ANTXR1: variants seen among roughly 807,000 people sequenced by gnomAD.
The protein encoded by ANTXR1 is anthrax toxin receptor 1.
Under a neutral mutation model 78.1 loss-of-function variants are expected in ANTXR1, and 19 were observed. The observed-to-expected ratio is 0.24, with a 90% CI of 0.17 to 0.36. The LOEUF (loss-of-function observed/expected upper bound fraction) is 0.36, where lower values mean the gene tolerates loss of function less well. Among genes scored for constraint, ANTXR1 ranks in the 10% least tolerant of loss-of-function variants. ANTXR1 has a pLI of 1.00. For missense variants in ANTXR1, 518 were observed against 718.6 expected, an observed-to-expected ratio of 0.72 and a Z score of 3.19; for synonymous variants, 273 against 260.5, an observed-to-expected ratio of 1.05 and a Z score of -0.46.
chr2:69,066,693 C>T (rs935957804), intron 3 of ANTXR1, among the ~76,000 whole-genome samples: 22 of 152,144 alleles, frequency 1.4e-4, no homozygotes, highest in Non-Finnish European at 2.9e-4. Context: ...ATAGCAGTGG[C>T]CATTAATGAA....
At chr2:69,152,561 G>A (rs1039510909) in intron 13 of ANTXR1, among the ~76,000 whole-genome samples, 4 of 152,142 alleles carry the variant, frequency 2.6e-5, no homozygotes, top group Non-Finnish European at 5.9e-5. Context: ...CACAAATGAT[G>A]AGTGTTATTC....
rs1017962657 is a variant in ANTXR1, at chr2:69,013,871, C to T, written c.152+220C>T. Reference sequence around the variant, plus strand: ...CGCAGCCGAGGCGACGCCGCTTGCTCGGAAGGGGACAGACTTCTTTTCTGT... The same window carrying T: ...CGCAGCCGAGGCGACGCCGCTTGCTTGGAAGGGGACAGACTTCTTTTCTGT... On this transcript the variant is annotated intron_variant, in intron 1 of 17. Coordinates refer to ENST00000303714, the MANE Select transcript of ANTXR1 (RefSeq NM_032208.3). The surrounding 1 kb of genome is among the most constrained non-coding windows in gnomAD (Gnocchi z 5.0). Among the ~76,000 whole-genome samples, 2 of 152,166 alleles carry T rather than the reference C, an allele frequency of 1.3e-5. No homozygotes were observed. The highest frequency in any genetic ancestry group is 2.9e-5 in the Non-Finnish European group (2 of 68,030).
chr2:69,093,341 C>A (rs1335104882), intron 9 of ANTXR1, among the ~76,000 whole-genome samples: 1 of 152,066 alleles, frequency 6.6e-6, no homozygotes, highest in African/African-American at 2.4e-5. Flanking sequence ...AATTAATAGA[C>A]AAAGATAGAG....
rs141110388 is a variant in ANTXR1 at position 69,092,489 on chromosome 2, A to T, written c.703+1570A>T. Among the ~76,000 whole-genome samples the T allele has an allele frequency of 3.6e-3, 543 of 152,366 alleles. 4 individuals carry two copies. Among genetic ancestry groups the T allele is most frequent in the African/African-American group, 0.012 (496 of 41,580 alleles). ...TATGTACATACATAAATGCATACCT[A>T]CATAAAGTTGTTAGCAAAATACTTG... is the stretch of plus-strand genomic sequence containing the variant. On this transcript the variant is annotated intron_variant, in intron 9 of 17. Transcript: ENST00000303714.
At chr2:69,029,041 A>ACCC (rs58379246) in intron 1 of ANTXR1, among the ~76,000 whole-genome samples, 40 of 136,656 alleles carry the variant, frequency 2.9e-4, no homozygotes, top group African/African-American at 1.0e-3. Flanking sequence ...ACATGTTGAG[A>ACCC]CCCCCCCCCC....
chr2:69,093,651 C>T (rs887976184), intron 9 of ANTXR1, among the ~76,000 whole-genome samples: 16 of 152,114 alleles, frequency 1.1e-4, no homozygotes, highest in African/African-American at 3.9e-4. Flanking sequence ...ACACAATCCA[C>T]TAATAAATTT....
At chr2:69,116,883 T>C (rs1672161255) in intron 10 of ANTXR1, among the ~76,000 whole-genome samples, 2 of 152,242 alleles carry the variant, frequency 1.3e-5, no homozygotes, top group African/African-American at 4.8e-5. Flanking sequence ...GGTGTTTGAA[T>C]TGGCTAATGA....
At chr2:69,102,993 G>A (rs1671675894) in intron 10 of ANTXR1, 53 bp downstream of exon 10, 2 of 1,534,090 alleles carry the variant, frequency 1.3e-6, no homozygotes, top group East Asian at 4.5e-5. Context: ...TCAAGGAAGG[G>A]AATTCCCACC....
intron 3 of ANTXR1, among the ~76,000 whole-genome samples, chr2:69,047,866 G>T (rs1432436395): frequency 1.3e-5 from 2 of 152,090 alleles, no homozygotes; most frequent in Non-Finnish European, 2.9e-5. Context: ...ACCTGCCGAG[G>T]TCAGATAGCT....
chr2:69,244,323 T>C (rs1675963965), intron 17 of ANTXR1, among the ~76,000 whole-genome samples: 1 of 152,204 alleles, frequency 6.6e-6, no homozygotes, highest in South Asian at 2.1e-4. Context: ...TGCTTGGCAA[T>C]AGAATGTCCC....
intron 9 of ANTXR1, among the ~76,000 whole-genome samples, chr2:69,096,099 A>G (rs545685955): frequency 1.3e-4 from 20 of 152,072 alleles, no homozygotes; most frequent in African/African-American, 4.6e-4. Flanking sequence ...TCTACTAAAA[A>G]TACAAAAAAT....
intron 8 of ANTXR1, among the ~76,000 whole-genome samples, chr2:69,079,907 G>A (rs79636312): frequency 0.06 from 9,140 of 152,178 alleles, 908 homozygotes; most frequent in African/African-American, 0.21. Flanking sequence ...TGTTGTCCTT[G>A]AATACATCAG....
intron 17 of ANTXR1, among the ~76,000 whole-genome samples, chr2:69,239,811 A>G (rs975913538): frequency 1.3e-5 from 2 of 152,214 alleles, no homozygotes; most frequent in Non-Finnish European, 2.9e-5. Context: ...CAATGCCTGG[A>G]GTTCAAACCC....
chr2:69,161,838 C>T (rs916301742), intron 13 of ANTXR1, among the ~76,000 whole-genome samples: 3 of 152,138 alleles, frequency 2.0e-5, no homozygotes, highest in Non-Finnish European at 4.4e-5. Context: ...GTTCTGGTGG[C>T]TTCTCATGCA....
chr2:69,181,059 CAA>C (rs1340027952), intron 14 of ANTXR1, among the ~76,000 whole-genome samples: 2 of 152,140 alleles, frequency 1.3e-5, no homozygotes, highest in African/African-American at 4.8e-5. Flanking sequence ...GAAAGGTGAG[CAA>C]AGGCCAGAAC....
chr2:69,138,084 CAAAAAAAAAAGAAAAAAA>C (rs1289147089), intron 12 of ANTXR1, among the ~76,000 whole-genome samples: 4 of 67,708 alleles, frequency 5.9e-5, no homozygotes, highest in Non-Finnish European at 8.3e-5. Flanking sequence ...GACTCCATCT[CAAAAAAAAAAGAAAAAAA>C]AAAAAAGAAA....
chr2:69,094,260 TC>T (rs1671329357), intron 9 of ANTXR1, among the ~76,000 whole-genome samples: 1 of 152,242 alleles, frequency 6.6e-6, no homozygotes, highest in Non-Finnish European at 1.5e-5. Context: ...TGGCTTGTTA[TC>T]AGCATCATCT....
intron 17 of ANTXR1, among the ~76,000 whole-genome samples, chr2:69,222,838 G>A (rs536359262): frequency 1.4e-4 from 21 of 152,326 alleles, no homozygotes; most frequent in African/African-American, 4.8e-4. Flanking sequence ...AACCACTTTC[G>A]CATGGCCCAG....
At chr2:69,047,330 TA>T (rs1669798609) in intron 3 of ANTXR1, among the ~76,000 whole-genome samples, 1 of 152,026 alleles carries the variant, frequency 6.6e-6, no homozygotes, top group African/African-American at 2.4e-5. Flanking sequence ...AAACTCCAAT[TA>T]GAATAATAAT....
Sources: gnomAD v4.1 joint callset for allele counts (sites outside exome capture counted in the v4.1 genomes callset) on GRCh38, gnomAD v4.1.1 for gene constraint, Gnocchi (gnomAD v3.1) non-coding constraint, MANE v1.5 for transcripts, NCBI Gene and HGNC (gene_info 2026-07-23, HGNC 2026-07-21) for gene names.